TMEM170A: variants seen among roughly 807,000 people sequenced by gnomAD.
TMEM170A encodes transmembrane protein 170A, also known as transmembrane protein 170.
In TMEM170A, 18 loss-of-function variants were observed where a neutral mutation model predicts 12.8. The ratio of observed to expected loss-of-function variants is 1.41; its 90% CI spans 0.97 to 2.09. TMEM170A has a LOEUF of 2.09. TMEM170A is among the 30% of genes most tolerant of loss of function. The pLI, the probability that TMEM170A is intolerant of heterozygous loss-of-function variation, is 0.00. For missense variants in TMEM170A, 220 were observed against 179.9 expected, an observed-to-expected ratio of 1.22 and a Z score of -1.28; for synonymous variants, 107 against 76.2, an observed-to-expected ratio of 1.40 and a Z score of -2.11.
rs748720631 is a variant in TMEM170A, at chr16:75,464,478, G to T, written c.123C>A (p.Cys41Ter). ...GTLCPNSTSL[C>*]SFPEMWYGVF... ...CGGGGCGGGCCGTACCTGGGAAGGA[G>T]CAGAGGGAAGTAGAGTTGGGGCACA... The change falls in exon 1 of 3, where the codon TGC becomes TGA. Residue 41 changes from cysteine (C) to a stop codon, truncating the protein, a stop_gained. Transcript: ENST00000561878. LOFTEE classifies it high-confidence loss of function. 1.3e-6 allele frequency: 2 copies of T among 1,547,794 alleles called. No homozygotes were observed. Among genetic ancestry groups the T allele is most frequent in the Non-Finnish European group, 1.7e-6 (2 of 1,151,724 alleles).
In TMEM170A at chr16:75,443,090, C is replaced by T. The variant is rs1162990275; in HGVS notation, c.*4468G>A. ...AGTACGGTTTAATCACAACTTTGAACAAGAATTTTATCATAAATTAGTAAG... is the reference window on the plus strand; with the variant it reads ...AGTACGGTTTAATCACAACTTTGAATAAGAATTTTATCATAAATTAGTAAG... On this transcript the variant is annotated 3_prime_UTR_variant, in exon 3 of 3. Transcript: ENST00000561878. The T allele has an allele frequency of 1.3e-5, 2 of 151,860 alleles. No homozygotes were observed. The highest frequency in any genetic ancestry group is 3.9e-4 in the East Asian group (2 of 5,180). 9.4% of individuals were successfully genotyped at this position (151,860 alleles called of 1,614,324 possible). A position where few individuals can be genotyped will look rare whatever the true frequency, so the allele number is the denominator to read the frequency against.
At chr16:75,462,536 A>T (rs1236625057) in intron 1 of TMEM170A, among the ~76,000 whole-genome samples, 1 of 152,240 alleles carries the variant, frequency 6.6e-6, no homozygotes, top group Non-Finnish European at 1.5e-5. Flanking sequence ...GATGTGATGT[A>T]CTGGTGAGTG....
intron 1 of TMEM170A, among the ~76,000 whole-genome samples, chr16:75,462,680 T>C (rs918951797): frequency 6.6e-6 from 1 of 152,238 alleles, no homozygotes; most frequent in African/African-American, 2.4e-5. Context: ...ATGTCCATCT[T>C]AAAAAATTCA....
rs146376752 is a variant in TMEM170A, at chr16:75,447,523, A to T, written c.*35T>A. On this transcript the variant is annotated 3_prime_UTR_variant, in exon 3 of 3. Coordinates refer to ENST00000561878, the MANE Select transcript of TMEM170A (RefSeq NM_145254.3). Reference sequence around the variant, plus strand: ...TGTATTCTTTTGGAGGATTCCATAAAGTTTAAGTTCAACATCTCAGCATAA... The same window carrying T: ...TGTATTCTTTTGGAGGATTCCATAATGTTTAAGTTCAACATCTCAGCATAA... 605 of 1,578,784 alleles carry T rather than the reference A, an allele frequency of 3.8e-4. 5 individuals are homozygous for T. The East Asian group carries it at 9.3e-3, about 24-fold the overall frequency.
chr16:75,461,058 T>A (rs1309828267), intron 1 of TMEM170A, among the ~76,000 whole-genome samples: 1 of 152,130 alleles, frequency 6.6e-6, no homozygotes, highest in East Asian at 1.9e-4. Context: ...TTACTTATAC[T>A]CATTTATTTA....
intron 1 of TMEM170A, among the ~76,000 whole-genome samples, chr16:75,456,925 T>G (rs2079809460): frequency 6.6e-6 from 1 of 152,182 alleles, no homozygotes; most frequent in Admixed American, 6.5e-5. Flanking sequence ...AAAGACCATC[T>G]TCTATCCCGA....
At chr16:75,460,282 A>G (rs764165285) in intron 1 of TMEM170A, among the ~76,000 whole-genome samples, 80 of 152,312 alleles carry the variant, frequency 5.3e-4, no homozygotes, top group Non-Finnish European at 9.0e-4. Flanking sequence ...TGATAGTTGT[A>G]TAACTCTGTA....
chr16:75,454,667 A>G (rs1344374369), intron 1 of TMEM170A, among the ~76,000 whole-genome samples: 1 of 152,172 alleles, frequency 6.6e-6, no homozygotes, highest in Non-Finnish European at 1.5e-5. Flanking sequence ...AGTTAAAGCT[A>G]TAAAGACAGA....
chr16:75,447,744 C>T (rs1047165662), intron 2 of TMEM170A, 56 bp from the exon 3 acceptor site: 2 of 1,529,412 alleles, frequency 1.3e-6, no homozygotes, highest in South Asian at 1.2e-5. Context: ...TTAACAAACT[C>T]ACGAAAATAC....
chr16:75,463,769 G>C (rs1475052124), intron 1 of TMEM170A, among the ~76,000 whole-genome samples: 1 of 152,216 alleles, frequency 6.6e-6, no homozygotes, highest in Non-Finnish European at 1.5e-5. Context: ...AGGGCACGGA[G>C]CGCTCTTCCT....
chr16:75,448,119 A>G (rs1304903886), intron 2 of TMEM170A, among the ~76,000 whole-genome samples: 1 of 152,242 alleles, frequency 6.6e-6, no homozygotes, highest in African/African-American at 2.4e-5. Flanking sequence ...AGACTAAGCA[A>G]GAAATGTTTC....
intron 1 of TMEM170A, among the ~76,000 whole-genome samples, chr16:75,454,203 T>G (rs2079742049): frequency 1.5e-5 from 2 of 134,040 alleles, no homozygotes; most frequent in South Asian, 4.4e-4. Context: ...ACCTCTGGCC[T>G]GCAGCACTCT....
intron 1 of TMEM170A, among the ~76,000 whole-genome samples, chr16:75,459,381 C>A (rs34539062): frequency 0.56 from 85,388 of 152,022 alleles, 25,097 homozygotes; most frequent in Admixed American, 0.69. Flanking sequence ...AACCTGGCCC[C>A]AAATGGCAGC....
chr16:75,458,676 A>G (rs1185584128), intron 1 of TMEM170A: 5 of 152,226 alleles, frequency 3.3e-5, no homozygotes, highest in African/African-American at 1.2e-4. Context: ...TCATAACTGT[A>G]AGACAATAAA....
At chr16:75,462,778 TA>T (rs903220350) in intron 1 of TMEM170A, among the ~76,000 whole-genome samples, 15 of 152,282 alleles carry the variant, frequency 9.9e-5, no homozygotes, top group Non-Finnish European at 1.6e-4. Context: ...GGAATATATA[TA>T]TTTTTTTAAG....
intron 1 of TMEM170A, among the ~76,000 whole-genome samples, chr16:75,456,619 C>G (rs770477798): frequency 2.6e-5 from 4 of 152,224 alleles, no homozygotes; most frequent in Non-Finnish European, 5.9e-5. Flanking sequence ...AGTTTCTCTT[C>G]TAGCCGCCAT....
chr16:75,456,858 C>T (rs2033684795), intron 1 of TMEM170A, among the ~76,000 whole-genome samples: 2 of 152,176 alleles, frequency 1.3e-5, no homozygotes, highest in South Asian at 4.1e-4. Flanking sequence ...TGTCCACCAC[C>T]CACCGCCAGC....
chr16:75,446,604 C>T lies in TMEM170A; in HGVS notation c.*954G>A, dbSNP rs1488753309. 6.6e-6 allele frequency: 1 copy of T among 152,046 alleles called. No homozygotes were observed. Among genetic ancestry groups the T allele is most frequent in the Non-Finnish European group, 1.5e-5 (1 of 68,002 alleles). 9.4% of individuals were successfully genotyped at this position (152,046 alleles called of 1,614,324 possible). On this transcript the variant is annotated 3_prime_UTR_variant, in exon 3 of 3. Coordinates refer to ENST00000561878, the MANE Select transcript of TMEM170A (RefSeq NM_145254.3). The stretch of plus-strand genomic sequence containing the variant: ...CACATTAAGCTAAAAAATCAATAAC[C>T]ACTAACTCTAGTTTCAGATGCACTT...
intron 2 of TMEM170A, among the ~76,000 whole-genome samples, chr16:75,451,123 C>T (rs1212267080): frequency 2.6e-5 from 4 of 152,094 alleles, no homozygotes; most frequent in Non-Finnish European, 1.5e-5. Flanking sequence ...TTGCTGGTGG[C>T]CTCTCTCACG....
Sources: allele counts gnomAD v4.1 joint callset (sites outside exome capture counted in the v4.1 genomes callset), GRCh38; gene constraint gnomAD v4.1.1; transcripts MANE v1.5; gene names NCBI Gene and HGNC (gene_info 2026-07-23, HGNC 2026-07-21).